ATG10: variants seen among roughly 807,000 people sequenced by gnomAD.
ATG10 encodes ubiquitin-like-conjugating enzyme ATG10.
Under a neutral mutation model 32.1 loss-of-function variants are expected in ATG10, and 30 were observed. The ratio of observed to expected loss-of-function variants is 0.94; its 90% CI spans 0.70 to 1.27. The LOEUF is 1.27. Ranked by LOEUF, ATG10 falls within the 50% of genes most tolerant of loss-of-function variation. The pLI is 0.00. For missense variants in ATG10, 233 were observed against 262.3 expected (o/e 0.89, Z 0.77); for synonymous variants, 87 against 91.5 (o/e 0.95, Z 0.28).
chr5:82,200,000 G>C (rs1317481576), intron 5 of ATG10, among the ~76,000 whole-genome samples: 1 of 152,064 alleles, frequency 6.6e-6, no homozygotes, highest in African/African-American at 2.4e-5. Flanking sequence ...GTATTCCATT[G>C]TATGAATGTA....
At chr5:82,221,853 A>G (rs182767395) in intron 5 of ATG10, among the ~76,000 whole-genome samples, 1 of 152,320 alleles carries the variant, frequency 6.6e-6, no homozygotes, top group Non-Finnish European at 1.5e-5. Context: ...ATTGTTAGCA[A>G]ACTCAGCATT....
chr5:82,096,688 G>T (rs1358077965), intron 3 of ATG10, among the ~76,000 whole-genome samples: 1 of 152,154 alleles, frequency 6.6e-6, no homozygotes, highest in Non-Finnish European at 1.5e-5. Context: ...TGGCATCCTG[G>T]TGAGAAGTGT....
intron 3 of ATG10, among the ~76,000 whole-genome samples, chr5:82,109,689 A>C (rs549479665): frequency 6.6e-6 from 1 of 151,952 alleles, no homozygotes; most frequent in African/African-American, 2.4e-5. Context: ...ACAATACATT[A>C]GATAACCAGA....
At chr5:82,200,905 T>TTATC (rs1745046326) in intron 5 of ATG10, among the ~76,000 whole-genome samples, 1 of 149,602 alleles carries the variant, frequency 6.7e-6, no homozygotes, top group African/African-American at 2.4e-5. Flanking sequence ...ATTTATTTAT[T>TTATC]TTGAGACAGA....
chr5:82,077,929 G>A (rs1764332668), intron 3 of ATG10, among the ~76,000 whole-genome samples: 1 of 152,178 alleles, frequency 6.6e-6, no homozygotes, highest in Admixed American at 6.5e-5. Context: ...GTACAAGTAA[G>A]GGATGAAATC....
At chr5:82,057,237 G>A (rs1265051455) in intron 2 of ATG10, among the ~76,000 whole-genome samples, 1 of 152,164 alleles carries the variant, frequency 6.6e-6, no homozygotes. Flanking sequence ...GTGCTGTCAA[G>A]TGTCTTAAAA....
chr5:82,098,130 T>G (rs1456998335), intron 3 of ATG10, among the ~76,000 whole-genome samples: 1 of 152,034 alleles, frequency 6.6e-6, no homozygotes, highest in Non-Finnish European at 1.5e-5. Flanking sequence ...CAGGTAAAGG[T>G]GTTAGGTACT....
intron 3 of ATG10, among the ~76,000 whole-genome samples, chr5:82,108,311 C>T (rs916521770): frequency 3.3e-5 from 5 of 151,586 alleles, no homozygotes; most frequent in African/African-American, 4.8e-5. Flanking sequence ...TTTGTATTTG[C>T]GAGTATACAT....
intron 3 of ATG10, among the ~76,000 whole-genome samples, chr5:82,084,563 T>C: frequency 6.6e-6 from 1 of 151,796 alleles, no homozygotes; most frequent in Non-Finnish European, 1.5e-5. Flanking sequence ...AAGGAAAAAA[T>C]GTTAAGGGCA....
intron 2 of ATG10, among the ~76,000 whole-genome samples, chr5:81,989,386 T>C (rs1761386407): frequency 6.6e-6 from 1 of 151,958 alleles, no homozygotes; most frequent in South Asian, 2.1e-4. Flanking sequence ...TCCTCTTGGG[T>C]CATGTGCAGG....
chr5:82,174,014 T>G (rs908110342), intron 4 of ATG10, among the ~76,000 whole-genome samples: 5 of 152,216 alleles, frequency 3.3e-5, no homozygotes, highest in African/African-American at 4.8e-5. Context: ...TATATAAATA[T>G]CCCAGTTTGT....
At chr5:81,993,336 C>CTTCCTTCT (rs1554039310) in intron 2 of ATG10, among the ~76,000 whole-genome samples, 7 of 77,730 alleles carry the variant, frequency 9.0e-5, no homozygotes, top group African/African-American at 1.9e-4. Flanking sequence ...TCCTTCCTTC[C>CTTCCTTCT]TTCTTTCTTT....
chr5:82,145,590 C>T (rs1361134941), intron 3 of ATG10, among the ~76,000 whole-genome samples: 1 of 152,106 alleles, frequency 6.6e-6, no homozygotes, highest in Non-Finnish European at 1.5e-5. Flanking sequence ...TATGTATACA[C>T]ATTATGAACC....
In ATG10 at chr5:82,172,156, A is replaced by G. The variant is rs541219345; in HGVS notation, c.356-6334A>G. 3.3e-5 allele frequency among the ~76,000 whole-genome samples: 5 copies of G among 152,276 alleles called. No homozygotes were observed. The East Asian group carries it at 5.8e-4, about 18-fold the overall frequency. On this transcript the variant is annotated intron_variant, in intron 4 of 7. Coordinates refer to ENST00000282185, the MANE Select transcript of ATG10 (RefSeq NM_031482.5). ...ATGAAAGGGAAAATTCCAGATACTC[A>G]TAGGTTAGGCAGTGTTGATGGGGAC...
intron 3 of ATG10, among the ~76,000 whole-genome samples, chr5:82,104,071 T>G (rs922229617): frequency 5.3e-5 from 8 of 152,168 alleles, no homozygotes; most frequent in Non-Finnish European, 1.2e-4. Flanking sequence ...ATACCATGTT[T>G]TGTTTATACA....
chr5:82,169,228 C>T (rs1743709123), intron 4 of ATG10, among the ~76,000 whole-genome samples: 1 of 150,080 alleles, frequency 6.7e-6, no homozygotes, highest in African/African-American at 2.5e-5. Flanking sequence ...AGAGTTTGAG[C>T]AGAAGTGAAT....
intron 3 of ATG10, among the ~76,000 whole-genome samples, chr5:82,143,521 C>G (rs1767230511): frequency 6.6e-6 from 1 of 152,158 alleles, no homozygotes; most frequent in Non-Finnish European, 1.5e-5. Context: ...GGAGGTCACT[C>G]TAAATGTTTG....
intron 3 of ATG10, among the ~76,000 whole-genome samples, chr5:82,069,808 A>C (rs1296971120): frequency 6.6e-6 from 1 of 152,222 alleles, no homozygotes; most frequent in African/African-American, 2.4e-5. Context: ...TTTATTTCTG[A>C]ATTTATGTGC....
chr5:82,253,455 T>C (rs200305227), intron 7 of ATG10, 26 bp downstream of exon 7: 186 of 1,449,908 alleles, frequency 1.3e-4, no homozygotes, highest in Non-Finnish European at 1.7e-4. Context: ...GGATTTAATG[T>C]TTTGCCGTTA....
Sources: allele counts gnomAD v4.1 joint callset (sites outside exome capture counted in the v4.1 genomes callset), GRCh38; gene constraint gnomAD v4.1.1; transcripts MANE v1.5; gene names NCBI Gene and HGNC (gene_info 2026-07-23, HGNC 2026-07-21).